The following KLHL13 variants were observed in gnomAD, a reference collection of about 807,000 sequenced individuals.
KLHL13 encodes kelch like family member 13.
Under a neutral mutation model 37.1 loss-of-function variants are expected in KLHL13, and 10 were observed. The ratio of observed to expected loss-of-function variants is 0.27; its 90% CI spans 0.17 to 0.46. The LOEUF (loss-of-function observed/expected upper bound fraction) is 0.46. Among genes scored for constraint, KLHL13 ranks in the 20% least tolerant of loss-of-function variants. The probability of loss-of-function intolerance (pLI) is 1.00; values close to 1 mark genes in which losing one functional copy is unlikely to be tolerated. For missense variants in KLHL13, 360 were observed against 509.3 expected (o/e 0.71, Z 2.82); for synonymous variants, 163 against 181.2 (o/e 0.90, Z 0.81).
At chrX:117,973,094 A>AT (rs1221357608) in exon 1 of KLHL13, 3 of 995,700 alleles carry the variant, frequency 3.0e-6, no homozygotes, top group Non-Finnish European at 3.8e-6. Flanking sequence ...ACTGCAGTAT[A>AT]TTTTTTTAGG....
chrX:118,015,266 T>C (rs757300724), intron 1 of KLHL13, among the ~76,000 whole-genome samples: 2 of 111,892 alleles, frequency 1.8e-5, no homozygotes, highest in Non-Finnish European at 3.8e-5. Flanking sequence ...ATCAGAAGAC[T>C]AGAGTGAAAA....
upstream of KLHL13, among the ~76,000 whole-genome samples, chrX:117,978,610 CAG>C (rs1569431972): frequency 1.8e-5 from 2 of 110,893 alleles, no homozygotes; most frequent in East Asian, 5.7e-4. Flanking sequence ...GGCAAAAATA[CAG>C]AGAGACTGAG....
At chrX:117,981,372 A>C (rs1215809485) in intron 1 of KLHL13, among the ~76,000 whole-genome samples, 1 of 112,239 alleles carries the variant, frequency 8.9e-6, no homozygotes, top group Non-Finnish European at 1.9e-5. Context: ...TTTTGAATAA[A>C]AACAGAATTC....
chrX:117,969,599 G>C (rs2053489811), intron 1 of KLHL13, among the ~76,000 whole-genome samples: 1 of 111,100 alleles, frequency 9.0e-6, no homozygotes, highest in Non-Finnish European at 1.9e-5. Context: ...TTTCTATCAA[G>C]ACAATCCCTT....
At chrX:118,072,409 C>T (rs943287204) in intron 1 of KLHL13, among the ~76,000 whole-genome samples, 60 of 112,432 alleles carry the variant, frequency 5.3e-4, no homozygotes, top group African/African-American at 1.9e-3. Flanking sequence ...CCATTCAGGA[C>T]ATAGGCATGG....
chrX:118,035,441 C>T (rs1220132922), intron 1 of KLHL13, among the ~76,000 whole-genome samples: 25 of 109,516 alleles, frequency 2.3e-4, no homozygotes, highest in East Asian at 1.1e-3. Flanking sequence ...GTTCAATATA[C>T]GCAAATCAAT....
intron 4 of KLHL13, chrX:117,914,204 C>A (rs1460824646): frequency 3.7e-5 from 4 of 107,832 alleles, no homozygotes; most frequent in Non-Finnish European, 7.6e-5. Context: ...AAAGAAATTC[C>A]CATTTAGAAA....
At chrX:118,011,576 G>A (rs2054069439) in intron 1 of KLHL13, among the ~76,000 whole-genome samples, 1 of 110,949 alleles carries the variant, frequency 9.0e-6, no homozygotes, top group Admixed American at 9.6e-5. Context: ...AACAGCAGGG[G>A]GAGTGAATTG....
intron 1 of KLHL13, among the ~76,000 whole-genome samples, chrX:118,013,004 C>T (rs1316320200): frequency 1.8e-5 from 2 of 111,787 alleles, no homozygotes; most frequent in Non-Finnish European, 3.8e-5. Context: ...CACAAGAGCA[C>T]AGACAGAGGG....
chrX:118,008,762 C>T (rs2054017679), intron 1 of KLHL13, among the ~76,000 whole-genome samples: 1 of 111,487 alleles, frequency 9.0e-6, no homozygotes, highest in South Asian at 3.8e-4. Context: ...AGACTTCCTG[C>T]ATTTGAACCC....
At chrX:118,079,778 T>C (rs766997692) in intron 1 of KLHL13, among the ~76,000 whole-genome samples, 2 of 110,776 alleles carry the variant, frequency 1.8e-5, no homozygotes, top group East Asian at 2.8e-4. Flanking sequence ...CTTCACAGAA[T>C]TAGAAAAAAC....
chrX:118,019,243 T>A (rs2054167507), intron 1 of KLHL13, among the ~76,000 whole-genome samples: 1 of 111,942 alleles, frequency 8.9e-6, no homozygotes, highest in Admixed American at 9.6e-5. Context: ...TATTTGACAT[T>A]TACAAATACA....
chrX:118,044,955 T>C (rs1569301811), intron 1 of KLHL13, among the ~76,000 whole-genome samples: 1 of 112,277 alleles, frequency 8.9e-6, no homozygotes, highest in South Asian at 3.7e-4. Context: ...GAGACAACGA[T>C]AGATGGATAA....
At chrX:117,940,370 T>C (rs1262166463) in intron 2 of KLHL13, among the ~76,000 whole-genome samples, 1 of 111,757 alleles carries the variant, frequency 8.9e-6, no homozygotes, top group Non-Finnish European at 1.9e-5. Context: ...TGAAGTCAGG[T>C]AGTGGGATGC....
chrX:117,946,718 T>A (rs1160137488), intron 1 of KLHL13: 1 of 112,484 alleles, frequency 8.9e-6, no homozygotes, highest in Non-Finnish European at 1.9e-5. Context: ...TCCTCAATTT[T>A]GAATTATTTG....
intron 1 of KLHL13, among the ~76,000 whole-genome samples, chrX:118,044,153 G>A (rs1227669649): frequency 9.0e-6 from 1 of 110,677 alleles, no homozygotes; most frequent in African/African-American, 3.3e-5. Context: ...ACACATAAAG[G>A]AAAATACCTA....
intron 1 of KLHL13, among the ~76,000 whole-genome samples, chrX:118,047,777 T>G (rs778694518): frequency 8.9e-6 from 1 of 112,005 alleles, no homozygotes; most frequent in African/African-American, 3.2e-5. Context: ...GAGAGATGTT[T>G]ACTTTTAATC....
Position 117,901,951 on chromosome X carries a change from TAAA to T in KLHL13, c.1367-8_1367-6del. 7 of 843,478 alleles carry T rather than the reference TAAA, an allele frequency of 8.3e-6. No homozygotes were observed. Among genetic ancestry groups the T allele is most frequent in the Non-Finnish European group, 1.1e-5 (7 of 615,271 alleles). The allele number at this position is 843,478 out of a possible 1,213,427, so 69.5% of individuals were successfully genotyped here. On this transcript the variant is annotated splice_polypyrimidine_tract_variant and splice_region_variant and intron_variant, in intron 5 of 6. Transcript: ENST00000262820. ...GATTGTAACATTCTACTGTGGCTGT[TAAA>T]AAAAAAAAGAAAAGAAAATTATTTT...
At chrX:118,116,092 G>C (rs1172039788) in intron 1 of KLHL13, among the ~76,000 whole-genome samples, 1 of 112,048 alleles carries the variant, frequency 8.9e-6, no homozygotes, top group African/African-American at 3.2e-5. Context: ...TTCTGAAGGA[G>C]AGATGGATTA....
Sources: gnomAD v4.1 joint callset for allele counts (sites outside exome capture counted in the v4.1 genomes callset) on GRCh38, gnomAD v4.1.1 for gene constraint, MANE v1.5 for transcripts, NCBI Gene and HGNC (gene_info 2026-07-23, HGNC 2026-07-21) for gene names.